The following CCDC7 variants were observed in gnomAD, a reference collection of about 807,000 sequenced individuals.
CCDC7 encodes the protein coiled-coil domain-containing protein 7.
Under a neutral mutation model 196.9 loss-of-function variants are expected in CCDC7, and 183 were observed. The observed-to-expected ratio is 0.93, with a 90% CI of 0.82 to 1.05. The LOEUF (loss-of-function observed/expected upper bound fraction) is 1.05. Ranked by LOEUF, CCDC7 falls within the 50% of genes least tolerant of loss-of-function variation. CCDC7 has a pLI of 0.00. For synonymous variants in CCDC7, 525 were observed against 484.6 expected, an observed-to-expected ratio of 1.08 and a Z score of -1.10; for missense variants, 1,540 against 1,482.2, an observed-to-expected ratio of 1.04 and a Z score of -0.64.
chr10:32,725,990 C>T (rs2083065992), intron 25 of CCDC7, among the ~76,000 whole-genome samples: 1 of 152,124 alleles, frequency 6.6e-6, no homozygotes, highest in Non-Finnish European at 1.5e-5. Flanking sequence ...ATAATTTCTG[C>T]CACATTCCTT....
intron 18 of CCDC7, among the ~76,000 whole-genome samples, chr10:32,608,806 G>A (rs2061797512): frequency 6.6e-6 from 1 of 152,202 alleles, no homozygotes; most frequent in Non-Finnish European, 1.5e-5. Context: ...CTTCCAAAGT[G>A]CTGGGATTAC....
chr10:32,791,534 A>C (rs1455339249), intron 29 of CCDC7, among the ~76,000 whole-genome samples: 1 of 152,004 alleles, frequency 6.6e-6, no homozygotes, highest in Non-Finnish European at 1.5e-5. Context: ...ATATTATTTT[A>C]AAAAGGAGAT....
Position 32,814,430 on chromosome 10 carries a change from AGACAC to A in CCDC7, c.3161_3165del (p.Thr1054IlefsTer6), listed in dbSNP as rs1201595120. 1.2e-6 allele frequency: 2 copies of A among 1,611,208 alleles called. No homozygotes were observed. The highest frequency in any genetic ancestry group is 2.7e-5 in the African/African-American group (2 of 74,908). On this transcript the variant is annotated frameshift_variant, in exon 31 of 42. Coordinates refer to ENST00000639629, the Ensembl canonical transcript of CCDC7. LOFTEE classifies it high-confidence loss of function. Reference sequence around the variant, plus strand: ...AGAGATATACTAAAGGATGAATTCAAGACACGATCAAAGAGTCTCCCTGGTAAGAA... The same window carrying A: ...AGAGATATACTAAAGGATGAATTCAAGATCAAAGAGTCTCCCTGGTAAGAA...
At chr10:32,816,459 G>C (rs1351084148) in intron 31 of CCDC7, among the ~76,000 whole-genome samples, 1 of 152,218 alleles carries the variant, frequency 6.6e-6, no homozygotes. Flanking sequence ...AGACTTAAAT[G>C]TCCCTGTCTG....
At chr10:32,586,890 GA>G (rs1313680043) in intron 18 of CCDC7, among the ~76,000 whole-genome samples, 1 of 152,082 alleles carries the variant, frequency 6.6e-6, no homozygotes, top group East Asian at 1.9e-4. Context: ...TGTGGTGGAG[GA>G]TACAGGAGCA....
chr10:32,820,256 G>A (rs1005891667), intron 31 of CCDC7, among the ~76,000 whole-genome samples: 6 of 152,080 alleles, frequency 3.9e-5, no homozygotes, highest in Admixed American at 6.6e-5. Flanking sequence ...AACTTACAAG[G>A]GACAGGAAGG....
chr10:32,706,804 G>A (rs972194968), intron 24 of CCDC7, among the ~76,000 whole-genome samples: 1 of 152,138 alleles, frequency 6.6e-6, no homozygotes, highest in Non-Finnish European at 1.5e-5. Context: ...CCAATAACAG[G>A]CTCTGAAATA....
rs143346616 is a variant in CCDC7 at position 32,542,733 on chromosome 10, T to A, written c.994-567T>A. Among the ~76,000 whole-genome samples the A allele has an allele frequency of 5.3e-5, 8 of 151,980 alleles. No homozygotes were observed. The East Asian group carries it at 1.5e-3, about 29-fold the overall frequency. On this transcript the variant is annotated intron_variant, in intron 11 of 41. Coordinates refer to ENST00000639629, the Ensembl canonical transcript of CCDC7. ...CCAGCTCACATCTGGTGGTATGACA[T>A]TTTAATTTCAGATAATTTCCTTCCA...
At chr10:32,789,469 A>G (rs1385623782) in intron 29 of CCDC7, among the ~76,000 whole-genome samples, 1 of 152,146 alleles carries the variant, frequency 6.6e-6, no homozygotes, top group African/African-American at 2.4e-5. Context: ...TTGCATTTCA[A>G]TAGCAAAATA....
At chr10:32,606,941 G>A (rs1008310256) in intron 18 of CCDC7, among the ~76,000 whole-genome samples, 3 of 152,300 alleles carry the variant, frequency 2.0e-5, no homozygotes, top group Admixed American at 6.5e-5. Context: ...GCCAGATGCA[G>A]AATGATATGG....
chr10:32,472,504 C>G (rs1458052550), exon 7 of CCDC7: 1 of 1,586,802 alleles, frequency 6.3e-7, no homozygotes, highest in Admixed American at 1.7e-5. Flanking sequence ...CGACCAGAAG[C>G]AGTGAAAAGT....
chr10:32,534,727 AT>A (rs2050201089), intron 11 of CCDC7, among the ~76,000 whole-genome samples: 1 of 151,866 alleles, frequency 6.6e-6, no homozygotes, highest in Non-Finnish European at 1.5e-5. Context: ...GGGCCAAAGG[AT>A]TTGGGAATGA....
chr10:32,811,065 A>C (rs1028030014), intron 30 of CCDC7, among the ~76,000 whole-genome samples: 2 of 152,090 alleles, frequency 1.3e-5, no homozygotes, highest in Non-Finnish European at 2.9e-5. Context: ...ATCAAAGAGT[A>C]GAAAGATTTC....
At chr10:32,784,633 G>C (rs56241656) in intron 29 of CCDC7, among the ~76,000 whole-genome samples, 6 of 151,924 alleles carry the variant, frequency 3.9e-5, no homozygotes, top group African/African-American at 9.7e-5. Flanking sequence ...GTGCAGTGGC[G>C]CAATCTCGGC....
At chr10:32,565,961 T>C (rs1293690255) in intron 14 of CCDC7, among the ~76,000 whole-genome samples, 1 of 152,176 alleles carries the variant, frequency 6.6e-6, no homozygotes, top group Non-Finnish European at 1.5e-5. Context: ...GGTAAAATAC[T>C]GCAGGCATTC....
At chr10:32,634,815 G>A (rs1272362956) in intron 19 of CCDC7, among the ~76,000 whole-genome samples, 1 of 152,174 alleles carries the variant, frequency 6.6e-6, no homozygotes, top group Non-Finnish European at 1.5e-5. Flanking sequence ...AAAATAACTA[G>A]AGAACTAAAG....
chr10:32,734,928 T>G (rs573629404), intron 28 of CCDC7, among the ~76,000 whole-genome samples: 1 of 152,026 alleles, frequency 6.6e-6, no homozygotes, highest in South Asian at 2.1e-4. Context: ...ATAAAATAAG[T>G]TAAAATAAAA....
intron 13 of CCDC7, 91 bp downstream of exon 14, chr10:32,544,392 T>C (rs2052061389): frequency 7.4e-7 from 1 of 1,346,860 alleles, no homozygotes; most frequent in Non-Finnish European, 1.0e-6. Context: ...TATGTGATTA[T>C]AGGGTATATA....
chr10:32,865,399 T>TTG (rs1394759203), intron 41 of CCDC7, among the ~76,000 whole-genome samples: 1 of 70,544 alleles, frequency 1.4e-5, no homozygotes, highest in African/African-American at 6.2e-5. Context: ...GGTACTCCTA[T>TTG]TATACACACA....
Sources: gnomAD v4.1 joint callset for allele counts (sites outside exome capture counted in the v4.1 genomes callset) on GRCh38, gnomAD v4.1.1 for gene constraint, MANE v1.5 for transcripts, NCBI Gene and HGNC (gene_info 2026-07-23, HGNC 2026-07-21) for gene names.